The following UBXN11 variants were observed in gnomAD, a reference collection of about 807,000 sequenced individuals.
UBXN11 encodes the protein UBX domain-containing protein 11.
UBXN11 carries 47 observed loss-of-function variants against 62.8 expected under a neutral mutation model. The ratio of observed to expected loss-of-function variants is 0.75; its 90% CI spans 0.59 to 0.95. The LOEUF (loss-of-function observed/expected upper bound fraction) is 0.95. Ranked by LOEUF, UBXN11 falls within the 40% of genes least tolerant of loss-of-function variation. The pLI is 0.00. For missense variants in UBXN11, 638 were observed against 661.7 expected, an observed-to-expected ratio of 0.96 and a Z score of 0.39; for synonymous variants, 294 against 267.0, an observed-to-expected ratio of 1.10 and a Z score of -0.99.
At chr1:26,292,301 G>A (rs2073286327) in intron 8 of UBXN11, among the ~76,000 whole-genome samples, 1 of 151,098 alleles carries the variant, frequency 6.6e-6, no homozygotes, top group Non-Finnish European at 1.5e-5. Context: ...CAGGATCACT[G>A]GCATCCAGGA....
At position 26,282,649 on chromosome 1, in the gene UBXN11, C is replaced by T. The variant is rs758221664; in HGVS notation, c.1292G>A (p.Arg431Lys). The change falls in exon 14 of 15, where the codon AGG becomes AAG. Residue 431 changes from arginine to lysine, a missense_variant and splice_region_variant. Arg to Lys is a conservative substitution (Grantham distance 26, BLOSUM62 2). Coordinates refer to ENST00000374222, the MANE Select transcript of UBXN11 (RefSeq NM_001389556.1). ...GDVRALLAQA[R>K]VMDASAFEIF... ...GGCCCTGGCCCTGCCCTGCACCCAC[C>T]TGGCCTGCGCTAGCAGAGCTCGCAC... 6.2e-7 allele frequency: 1 copy of T among 1,613,876 alleles called. No homozygotes were observed. The highest frequency in any genetic ancestry group is 1.3e-5 in the African/African-American group (1 of 74,946).
chr1:26,295,689 T>A lies in UBXN11; in HGVS notation c.432+1230A>T, dbSNP rs1039496914. Among the ~76,000 whole-genome samples the A allele has an allele frequency of 2.0e-5, 3 of 151,982 alleles. No homozygotes were observed. The East Asian group carries it at 5.8e-4, about 29-fold the overall frequency. On this transcript the variant is annotated intron_variant, in intron 7 of 14. Coordinates refer to ENST00000374222, the MANE Select transcript of UBXN11 (RefSeq NM_001389556.1). Reference sequence around the variant, plus strand: ...TGCCCAATGTCACCCCCGCAGGTGGTCCCCCAACTTGCCTCTGTGGTGTCA... The same window carrying A: ...TGCCCAATGTCACCCCCGCAGGTGGACCCCCAACTTGCCTCTGTGGTGTCA...
intron 5 of UBXN11, 126 bp downstream of exon 5, chr1:26,297,836 G>A (rs4290051): frequency 0.89 from 973,843 of 1,098,690 alleles, 440,014 homozygotes; most frequent in Non-Finnish European, 0.94. Context: ...CCTGGTCCTC[G>A]AACTGGGCAG....
rs771193158 is a variant in UBXN11 at position 26,284,326 on chromosome 1, C to T, written c.973+36G>A. The T allele has an allele frequency of 4.3e-6, 7 of 1,613,772 alleles. No individual in the cohort carries two copies. In the Admixed American group the frequency reaches 1.0e-4, roughly 23 times the overall value. ...CCCCCTGGAGTTTGTTCTGCAGTCC[C>T]CCAGCCCCCTGGCTCAGCCTGGAGG... On this transcript the variant is annotated intron_variant, in intron 11 of 14. Transcript: ENST00000374222.
chr1:26,298,414 C>G (rs192102917), intron 4 of UBXN11, among the ~76,000 whole-genome samples: 11 of 152,256 alleles, frequency 7.2e-5, no homozygotes, highest in African/African-American at 2.6e-4. Context: ...CCAGTTGGTA[C>G]GCAAAACAGC....
At position 26,285,447 on chromosome 1, in the gene UBXN11, G is replaced by A; in HGVS notation, c.852+17C>T. 6.2e-7 allele frequency: 1 copy of A among 1,609,894 alleles called. No individual in the cohort carries two copies. The highest frequency in any genetic ancestry group is 8.5e-7 in the Non-Finnish European group (1 of 1,178,420). ...TTCAAAATCCCCAAAGGTGTGGTTTGAGGAGCAGCTTATCACCTTAAAGGG... is the reference window on the plus strand; with the variant it reads ...TTCAAAATCCCCAAAGGTGTGGTTTAAGGAGCAGCTTATCACCTTAAAGGG... On this transcript the variant is annotated intron_variant, in intron 10 of 14. Transcript: ENST00000374222.
intron 12 of UBXN11, 36 bp downstream of exon 12, chr1:26,284,106 C>T (rs1465910783): frequency 1.9e-6 from 3 of 1,557,820 alleles, no homozygotes; most frequent in Non-Finnish European, 2.6e-6. Flanking sequence ...GCTAAAGTTC[C>T]CCCAGGAGGG....
chr1:26,318,123 T>C lies in UBXN11; in HGVS notation c.-225A>G, dbSNP rs753537939. The C allele has an allele frequency of 1.5e-5, 22 of 1,496,098 alleles. No individual in the cohort carries two copies. In the East Asian group the frequency reaches 3.6e-4, roughly 25 times the overall value. 92.7% of individuals were successfully genotyped at this position (1,496,098 alleles called of 1,614,324 possible). A position where few individuals can be genotyped will look rare whatever the true frequency, so the allele number is the denominator to read the frequency against. ...CAGGACTCCCCAAAGTTGCTTGGCA[T>C]GGAGGGAGGGCATACAGGATGTGAG... On this transcript the variant is annotated 5_prime_UTR_variant, in exon 1 of 15. Coordinates refer to the UBXN11 transcript ENST00000374217.
In UBXN11 at chr1:26,297,003, G is replaced by C. The variant is rs777157040; in HGVS notation, c.356-8C>G. On this transcript the variant is annotated splice_polypyrimidine_tract_variant and splice_region_variant and intron_variant, in intron 6 of 14. Coordinates refer to ENST00000374222, the MANE Select transcript of UBXN11 (RefSeq NM_001389556.1). ...GCTGCAGGGTTGCCTCGGCTTCAGGGAAAGACAGGGACAGGCTTCAGCTGC... is the reference window on the plus strand; with the variant it reads ...GCTGCAGGGTTGCCTCGGCTTCAGGCAAAGACAGGGACAGGCTTCAGCTGC... The C allele has an allele frequency of 2.8e-5, 45 of 1,597,174 alleles. No individual in the cohort carries two copies. The highest frequency in any genetic ancestry group is 5.7e-5 in the South Asian group (5 of 88,418).
At position 26,298,089 on chromosome 1, in the gene UBXN11, C is replaced by T. The variant is rs1436768953; in HGVS notation, c.200-27G>A. On this transcript the variant is annotated intron_variant, in intron 4 of 14. Transcript: ENST00000374222. ...TGCCAAGCACACAAAGTCTTTAGAG[C>T]CCAGACCTAGAGCCGAGGCTGAGTT... The T allele has an allele frequency of 1.9e-6, 3 of 1,605,734 alleles. No individual in the cohort carries two copies. In the Admixed American group the frequency reaches 5.1e-5, roughly 27 times the overall value.
rs375024621 is a variant in UBXN11, at chr1:26,301,573, G to A, written c.100+121C>T. 78 of 1,397,492 alleles carry A rather than the reference G, an allele frequency of 5.6e-5. 1 individual carries two copies. The highest frequency in any genetic ancestry group is 5.0e-4 in the South Asian group (38 of 75,938). The allele number at this position is 1,397,492 out of a possible 1,614,324, so 86.6% of individuals were successfully genotyped here. On this transcript the variant is annotated intron_variant, in intron 3 of 14. Transcript: ENST00000374222. ...ACAGCATGGGAGCTGCACAGAACAC[G>A]GTGGAGGCCGCTGCTCCAGCTGACA...
chr1:26,284,915 C>T (rs2073092288), intron 10 of UBXN11: 2 of 1,004,852 alleles, frequency 2.0e-6, no homozygotes, highest in Non-Finnish European at 2.4e-6. Context: ...CGCGTCATGA[C>T]TCATGCTGTT....
rs770495279 is a variant in UBXN11, at chr1:26,302,797, G to A, written c.71+16C>T. ...CAGAGGCGGGGACAGAAAGACCCCT[G>A]AGGCTGGCTCCTTACCCAGGATTCA... On this transcript the variant is annotated intron_variant, in intron 2 of 14. Coordinates refer to ENST00000374222, the MANE Select transcript of UBXN11 (RefSeq NM_001389556.1). 1 of 1,611,684 alleles carries A rather than the reference G, an allele frequency of 6.2e-7. No homozygotes were observed. The highest frequency in any genetic ancestry group is 1.1e-5 in the South Asian group (1 of 90,858).
In UBXN11 at chr1:26,300,995, A is replaced by G. The variant is rs1452603011; in HGVS notation, c.130T>C (p.Cys44Arg). Reference sequence around the variant, plus strand: ...ACTGAGATCTTTTCTTCTGAGCCACACCCATCACTCAACATGTCCACCTCA... The same window carrying G: ...ACTGAGATCTTTTCTTCTGAGCCACGCCCATCACTCAACATGTCCACCTCA... ...EDEVDMLSDG[C>R]GSEEKISVPS... is the part of the protein sequence containing the mutation. The change falls in exon 4 of 15, where the codon TGT (cysteine) becomes CGT (arginine). Residue 44 changes from cysteine to arginine, a missense_variant. By Grantham distance (180) the Cys-to-Arg change is radical (BLOSUM62 -3). Coordinates refer to ENST00000374222, the MANE Select transcript of UBXN11 (RefSeq NM_001389556.1). The G allele has an allele frequency of 6.2e-7, 1 of 1,614,144 alleles. No homozygotes were observed. Among genetic ancestry groups the G allele is most frequent in the Admixed American group, 1.7e-5 (1 of 60,022 alleles).
intron 4 of UBXN11, 79 bp downstream of exon 4, chr1:26,300,847 A>G: frequency 6.2e-7 from 1 of 1,604,056 alleles, no homozygotes; most frequent in South Asian, 1.1e-5. Context: ...AGGAAGGGCC[A>G]TGCCTCCCTA....
At chr1:26,316,375 G>C (rs1002242524) in intron 1 of UBXN11, among the ~76,000 whole-genome samples, 1 of 151,758 alleles carries the variant, frequency 6.6e-6, no homozygotes, top group Non-Finnish European at 1.5e-5. Context: ...TTACTACCTA[G>C]CATGTAAATG....
At chr1:26,290,499 G>A (rs2073235695) in intron 8 of UBXN11, among the ~76,000 whole-genome samples, 2 of 152,160 alleles carry the variant, frequency 1.3e-5, no homozygotes, top group South Asian at 2.1e-4. Context: ...TCAGAGGGGA[G>A]GGAAGCGGGC....
Position 26,282,916 on chromosome 1 carries a change from G to C in UBXN11, c.1099C>G (p.Arg367Gly), listed in dbSNP as rs372743701. 1.2e-6 allele frequency: 2 copies of C among 1,614,032 alleles called. No homozygotes were observed. Among genetic ancestry groups the C allele is most frequent in the African/African-American group, 2.7e-5 (2 of 74,898 alleles). ...TLQNCCPLPARIQEIVVETPT... is the reference protein window; with the variant it reads ...TLQNCCPLPAGIQEIVVETPT... ...GTCTCCACCACAATCTCCTGGATCCGGGCAGGCAATGGGCAGCAGTTCTGG... is the reference window on the plus strand; with the variant it reads ...GTCTCCACCACAATCTCCTGGATCCCGGCAGGCAATGGGCAGCAGTTCTGG... The change falls in exon 13 of 15, where the codon CGG (arginine) becomes GGG (glycine). Residue 367 changes from arginine to glycine, a missense_variant. Transcript: ENST00000374222.
chr1:26,301,957 CAG>C (rs2124668714), intron 2 of UBXN11, among the ~76,000 whole-genome samples: 1 of 152,276 alleles, frequency 6.6e-6, no homozygotes, highest in South Asian at 2.1e-4. Context: ...GGGTGAAGAG[CAG>C]AGTCTTAGGT....
Sources: allele counts gnomAD v4.1 joint callset (sites outside exome capture counted in the v4.1 genomes callset), GRCh38; gene constraint gnomAD v4.1.1; transcripts MANE v1.5; gene names NCBI Gene and HGNC (gene_info 2026-07-23, HGNC 2026-07-21).